IL1RAPL2: variants seen among roughly 807,000 people sequenced by gnomAD.
IL1RAPL2 encodes X-linked interleukin-1 receptor accessory protein-like 2.
IL1RAPL2 carries 3 observed loss-of-function variants against 44.1 expected under a neutral mutation model. The observed-to-expected ratio is 0.07, with a 90% CI of 0.03 to 0.18. The LOEUF is 0.18. Among genes scored for constraint, IL1RAPL2 ranks in the 10% least tolerant of loss-of-function variants. The pLI, the probability that IL1RAPL2 is intolerant of heterozygous loss-of-function variation, is 1.00. For missense variants in IL1RAPL2, 391 were observed against 496.4 expected, an observed-to-expected ratio of 0.79 and a Z score of 2.02; for synonymous variants, 181 against 178.8, an observed-to-expected ratio of 1.01 and a Z score of -0.10.
intron 2 of IL1RAPL2, among the ~76,000 whole-genome samples, chrX:105,012,935 A>G (rs1255173333): frequency 9.1e-6 from 1 of 110,361 alleles, no homozygotes; most frequent in African/African-American, 3.3e-5. Context: ...AGTGAAAAGG[A>G]TTTAGTAAGG....
Position 104,598,577 on chromosome X carries a change from C to T in IL1RAPL2, c.-20+31526C>T, listed in dbSNP as rs187936243. ...ACCTCTGCCTCACTATTCTGAATCCCTGTACCTGATGCCTCTGTGTTAGGT... is the reference window on the plus strand; with the variant it reads ...ACCTCTGCCTCACTATTCTGAATCCTTGTACCTGATGCCTCTGTGTTAGGT... On this transcript the variant is annotated intron_variant, in intron 1 of 10. Coordinates refer to ENST00000372582, the MANE Select transcript of IL1RAPL2 (RefSeq NM_017416.2). Among the ~76,000 whole-genome samples the T allele has an allele frequency of 3.3e-3, 375 of 112,167 alleles. 1 individual carries two copies. Among genetic ancestry groups the T allele is most frequent in the African/African-American group, 0.012 (357 of 30,901 alleles).
intron 2 of IL1RAPL2, among the ~76,000 whole-genome samples, chrX:104,975,429 T>A (rs768514206): frequency 8.9e-5 from 10 of 112,182 alleles, no homozygotes; most frequent in Non-Finnish European, 1.7e-4. Context: ...AAAACACAAG[T>A]TGTAATGACT....
At chrX:104,947,893 G>A (rs1392870999) in intron 2 of IL1RAPL2, among the ~76,000 whole-genome samples, 1 of 111,809 alleles carries the variant, frequency 8.9e-6, no homozygotes, top group African/African-American at 3.3e-5. Context: ...TTTACTTGGT[G>A]ATGTGGGCTC....
At chrX:105,519,779 A>G (rs753992085) in intron 6 of IL1RAPL2, among the ~76,000 whole-genome samples, 2 of 111,560 alleles carry the variant, frequency 1.8e-5, no homozygotes, top group African/African-American at 3.3e-5. Flanking sequence ...TGGGGACTCA[A>G]TTCACAATGT....
intron 2 of IL1RAPL2, among the ~76,000 whole-genome samples, chrX:105,066,883 C>T (rs1300871454): frequency 9.0e-6 from 1 of 111,071 alleles, no homozygotes; most frequent in Non-Finnish European, 1.9e-5. Flanking sequence ...GAAATGTTAT[C>T]TGAGTTAATG....
chrX:105,078,851 C>A (rs1165844317), intron 2 of IL1RAPL2, among the ~76,000 whole-genome samples: 1 of 112,731 alleles, frequency 8.9e-6, no homozygotes, highest in Non-Finnish European at 1.9e-5. Context: ...ATATAATCTC[C>A]TGGTGTGCCG....
chrX:104,575,664 G>A (rs1287020240), intron 1 of IL1RAPL2, among the ~76,000 whole-genome samples: 1 of 111,851 alleles, frequency 8.9e-6, no homozygotes, highest in Admixed American at 9.5e-5. Context: ...ACAGGGAATG[G>A]TCTTGCCAGT....
chrX:105,032,610 T>G, intron 2 of IL1RAPL2, among the ~76,000 whole-genome samples: 1 of 112,113 alleles, frequency 8.9e-6, no homozygotes, highest in Admixed American at 9.5e-5. Flanking sequence ...ATAATTTCTG[T>G]TCTTTTACAT....
At chrX:104,608,463 G>T (rs1015927241) in intron 1 of IL1RAPL2, among the ~76,000 whole-genome samples, 9 of 110,518 alleles carry the variant, frequency 8.1e-5, no homozygotes, top group Non-Finnish European at 1.5e-4. Context: ...TATTGTGTGG[G>T]AGTCTAAGTC....
chrX:104,893,040 G>A (rs763410637), intron 2 of IL1RAPL2, among the ~76,000 whole-genome samples: 4 of 111,612 alleles, frequency 3.6e-5, no homozygotes, highest in Non-Finnish European at 7.5e-5. Context: ...CCTCCATTTC[G>A]TTACGTACCC....
At chrX:105,219,543 C>G (rs1279614500) in intron 3 of IL1RAPL2, 1 of 1,206,992 alleles carries the variant, frequency 8.3e-7, no homozygotes, top group African/African-American at 1.8e-5. Context: ...TGGGGGCAGC[C>G]CCAGCCTCCA....
Position 105,484,299 on chromosome X carries a change from A to AT in IL1RAPL2, c.698-10dup. The AT allele has an allele frequency of 8.6e-7, 1 of 1,164,879 alleles. No individual in the cohort carries two copies. The highest frequency in any genetic ancestry group is 1.2e-6 in the Non-Finnish European group (1 of 853,898). On this transcript the variant is annotated splice_polypyrimidine_tract_variant and intron_variant, in intron 5 of 10. Transcript: ENST00000372582. ...CTCAATTTTTCCATTACTTTCTTTCATTTTCTCTTCTAGCTTTACTCACAG... is the reference window on the plus strand; with the variant it reads ...CTCAATTTTTCCATTACTTTCTTTCATTTTTCTCTTCTAGCTTTACTCACAG...
rs187475190 is a variant in IL1RAPL2 at position 105,022,328 on chromosome X, G to A, written c.83-173147G>A. 9.0e-5 allele frequency among the ~76,000 whole-genome samples: 10 copies of A among 110,924 alleles called. No individual in the cohort carries two copies. The East Asian group carries it at 2.9e-3, about 32-fold the overall frequency. On this transcript the variant is annotated intron_variant, in intron 2 of 10. Coordinates refer to ENST00000372582, the MANE Select transcript of IL1RAPL2 (RefSeq NM_017416.2). Reference sequence around the variant, plus strand: ...CAAACAATTCTCTTATTCTCATTTTGCTCTCAGAGAAAATAAAGAAGAATC... The same window carrying A: ...CAAACAATTCTCTTATTCTCATTTTACTCTCAGAGAAAATAAAGAAGAATC...
chrX:105,210,233 C>T (rs1389488160), intron 3 of IL1RAPL2, among the ~76,000 whole-genome samples: 1 of 111,910 alleles, frequency 8.9e-6, no homozygotes. Context: ...CCAAACCCAT[C>T]CACCTAGTAA....
At chrX:104,803,214 C>T (rs993077033) in intron 2 of IL1RAPL2, among the ~76,000 whole-genome samples, 13 of 111,531 alleles carry the variant, frequency 1.2e-4, no homozygotes, top group African/African-American at 3.6e-4. Context: ...TCTAAAATTT[C>T]GTCTGGACCA....
At chrX:105,669,704 A>C (rs1455862166) in intron 6 of IL1RAPL2, among the ~76,000 whole-genome samples, 1 of 110,453 alleles carries the variant, frequency 9.1e-6, no homozygotes, top group Admixed American at 9.7e-5. Context: ...GTATCATAAC[A>C]CAGAACAGTT....
rs560841873 is a variant in IL1RAPL2, at chrX:105,698,698, G to A, written c.773-18669G>A. Among the ~76,000 whole-genome samples, 54 of 111,964 alleles carry A rather than the reference G, an allele frequency of 4.8e-4. No homozygotes were observed. In the Middle Eastern group the frequency reaches 0.018, roughly 38 times the overall value. ...GTAGAAGTGAATGTAAGAGAAATAA[G>A]CTTTGAAATATAGAGAGCTAAAATC... On this transcript the variant is annotated intron_variant, in intron 6 of 10. Coordinates refer to ENST00000372582, the MANE Select transcript of IL1RAPL2 (RefSeq NM_017416.2).
At chrX:105,014,685 G>A (rs2031135146) in intron 2 of IL1RAPL2, among the ~76,000 whole-genome samples, 1 of 112,417 alleles carries the variant, frequency 8.9e-6, no homozygotes. Context: ...TGGTGTATAT[G>A]TGCCACATTT....
chrX:105,017,387 A>T (rs1252453454), intron 2 of IL1RAPL2, among the ~76,000 whole-genome samples: 1 of 111,299 alleles, frequency 9.0e-6, no homozygotes, highest in African/African-American at 3.3e-5. Flanking sequence ...CTGAAAATTA[A>T]CTGTAGCTTT....
Sources: gnomAD v4.1 joint callset for allele counts (sites outside exome capture counted in the v4.1 genomes callset) on GRCh38, gnomAD v4.1.1 for gene constraint, MANE v1.5 for transcripts, NCBI Gene and HGNC (gene_info 2026-07-23, HGNC 2026-07-21) for gene names.